The following TLL2 variants were observed in gnomAD, a reference collection of about 807,000 sequenced individuals.
The protein encoded by TLL2 is tolloid like 2, also known as tolloid-like protein 2.
TLL2 carries 106 observed loss-of-function variants against 123.0 expected under a neutral mutation model. The ratio of observed to expected loss-of-function variants is 0.86; its 90% CI spans 0.74 to 1.01. The LOEUF (loss-of-function observed/expected upper bound fraction) is 1.01. Among genes scored for constraint, TLL2 ranks in the 50% least tolerant of loss-of-function variants. The probability of loss-of-function intolerance (pLI) is 0.00; values close to 1 mark genes in which losing one functional copy is unlikely to be tolerated. For synonymous variants in TLL2, 494 were observed against 516.8 expected (o/e 0.96, Z 0.60); for missense variants, 1,332 against 1,336.7 (o/e 1.00, Z 0.06).
rs190646225 is a variant in TLL2, at chr10:96,391,636, T to A, written c.1726+3551A>T. 1.4e-3 allele frequency among the ~76,000 whole-genome samples: 207 copies of A among 152,318 alleles called. 2 individuals carry two copies. Among genetic ancestry groups the A allele is most frequent in the Admixed American group, 1.5e-3 (23 of 15,308 alleles). ...GGAAAACGGGGGCAATAATAATTCCTACCAGGGGATTGTAATGAAGAAAAG... is the reference window on the plus strand; with the variant it reads ...GGAAAACGGGGGCAATAATAATTCCAACCAGGGGATTGTAATGAAGAAAAG... On this transcript the variant is annotated intron_variant, in intron 13 of 20. Coordinates refer to ENST00000357947, the MANE Select transcript of TLL2 (RefSeq NM_012465.4).
intron 16 of TLL2, among the ~76,000 whole-genome samples, chr10:96,382,074 C>CTT (rs554760534): frequency 6.7e-6 from 1 of 148,412 alleles, no homozygotes. Flanking sequence ...GAATTTCTTT[C>CTT]TTTTTTTTTT....
intron 1 of TLL2, among the ~76,000 whole-genome samples, chr10:96,509,049 C>T (rs539351370): frequency 7.2e-5 from 11 of 152,190 alleles, no homozygotes; most frequent in Middle Eastern, 3.4e-3. Flanking sequence ...TGCCATGCTT[C>T]GAGGACACCC....
chr10:96,440,562 C>G (rs1182115143), intron 3 of TLL2, among the ~76,000 whole-genome samples: 1 of 152,210 alleles, frequency 6.6e-6, no homozygotes, highest in Non-Finnish European at 1.5e-5. Context: ...GTCGCCAACT[C>G]TCCTTTGGAG....
chr10:96,505,978 G>A (rs1847573739), intron 1 of TLL2, among the ~76,000 whole-genome samples: 1 of 152,130 alleles, frequency 6.6e-6, no homozygotes, highest in African/African-American at 2.4e-5. Flanking sequence ...CTGAGGCTGG[G>A]CGCGGTGGCT....
At chr10:96,465,923 A>G (rs576745896) in intron 2 of TLL2, among the ~76,000 whole-genome samples, 19 of 152,212 alleles carry the variant, frequency 1.2e-4, no homozygotes, top group Non-Finnish European at 2.1e-4. Flanking sequence ...CTGGATTTTT[A>G]TGAGAAATCT....
chr10:96,419,210 C>T (rs114503912), intron 7 of TLL2, among the ~76,000 whole-genome samples: 88 of 152,270 alleles, frequency 5.8e-4, no homozygotes, highest in African/African-American at 2.1e-3. Context: ...CTTCCAGCTT[C>T]AGATTTCCTG....
intron 16 of TLL2, among the ~76,000 whole-genome samples, chr10:96,383,526 A>G (rs1483876848): frequency 2.6e-5 from 4 of 152,324 alleles, no homozygotes; most frequent in Admixed American, 2.6e-4. Context: ...GTCTGCAGCC[A>G]TGTAAGACAT....
intron 10 of TLL2, among the ~76,000 whole-genome samples, chr10:96,403,085 G>A (rs1414167829): frequency 2.0e-5 from 3 of 152,106 alleles, no homozygotes; most frequent in East Asian, 1.9e-4. Context: ...ACCCCTCTAC[G>A]AGTGAGGACA....
chr10:96,426,267 T>C (rs1846677060), intron 5 of TLL2, among the ~76,000 whole-genome samples: 1 of 152,180 alleles, frequency 6.6e-6, no homozygotes, highest in Non-Finnish European at 1.5e-5. Context: ...CCGAATTCTA[T>C]GTGCTAACAT....
intron 18 of TLL2, among the ~76,000 whole-genome samples, chr10:96,375,917 C>T (rs371437716): frequency 2.0e-5 from 3 of 152,174 alleles, no homozygotes; most frequent in Admixed American, 6.5e-5. Context: ...AATACATTCT[C>T]CAGCTGGCAA....
chr10:96,447,090 T>C (rs1032502302), intron 2 of TLL2, among the ~76,000 whole-genome samples: 5 of 152,214 alleles, frequency 3.3e-5, no homozygotes, highest in African/African-American at 1.2e-4. Flanking sequence ...GTAGGTGGGA[T>C]GGCAGTGAGA....
chr10:96,370,441 A>C, intron 19 of TLL2, 126 bp from the exon 20 acceptor site: 1 of 1,318,456 alleles, frequency 7.6e-7, no homozygotes, highest in Non-Finnish European at 1.0e-6. Context: ...TAGTCTCGTC[A>C]CCCCATTTGA....
At chr10:96,442,080 A>G (rs1235926366) in intron 3 of TLL2, among the ~76,000 whole-genome samples, 1 of 152,170 alleles carries the variant, frequency 6.6e-6, no homozygotes, top group African/African-American at 2.4e-5. Context: ...TAATCCCATT[A>G]TCAGCCCTGA....
intron 1 of TLL2, among the ~76,000 whole-genome samples, chr10:96,492,757 T>C (rs1351889366): frequency 1.3e-5 from 2 of 152,202 alleles, no homozygotes; most frequent in African/African-American, 4.8e-5. Context: ...TTCTAACAAA[T>C]ATCACGGCTC....
chr10:96,476,832 G>A (rs998018561), intron 2 of TLL2, among the ~76,000 whole-genome samples: 5 of 150,020 alleles, frequency 3.3e-5, no homozygotes, highest in African/African-American at 1.2e-4. Flanking sequence ...AGCACATTGA[G>A]TAAAATCCCT....
chr10:96,427,709 T>C (rs1042340698), intron 5 of TLL2, among the ~76,000 whole-genome samples: 6 of 152,254 alleles, frequency 3.9e-5, no homozygotes, highest in Admixed American at 3.3e-4. Flanking sequence ...CCTTTTACTT[T>C]TAAACCTCTC....
intron 2 of TLL2, among the ~76,000 whole-genome samples, chr10:96,473,494 G>T (rs1226887706): frequency 1.3e-5 from 2 of 152,154 alleles, no homozygotes; most frequent in African/African-American, 4.8e-5. Context: ...AGGGCCCAGA[G>T]AGGGGACATG....
At chr10:96,437,626 G>T (rs1846809651) in intron 3 of TLL2, among the ~76,000 whole-genome samples, 2 of 152,078 alleles carry the variant, frequency 1.3e-5, no homozygotes, top group Non-Finnish European at 1.5e-5. Flanking sequence ...GTCATTTGAT[G>T]AATATCATAT....
intron 1 of TLL2, among the ~76,000 whole-genome samples, chr10:96,499,341 G>A (rs959052109): frequency 8.5e-5 from 13 of 152,218 alleles, no homozygotes; most frequent in African/African-American, 3.1e-4. Context: ...GGGATGGGTG[G>A]AGGTGGGGGT....
Sources: gnomAD v4.1 joint callset for allele counts (sites outside exome capture counted in the v4.1 genomes callset) on GRCh38, gnomAD v4.1.1 for gene constraint, MANE v1.5 for transcripts, NCBI Gene and HGNC (gene_info 2026-07-23, HGNC 2026-07-21) for gene names.